ATG2B: variants seen among roughly 807,000 people sequenced by gnomAD.
The protein encoded by ATG2B is autophagy-related protein 2 homolog B.
ATG2B carries 121 observed loss-of-function variants against 241.3 expected under a neutral mutation model. That is an observed-to-expected ratio of 0.50 (90% CI 0.43 to 0.58). ATG2B has a LOEUF of 0.58. Ranked by LOEUF, ATG2B falls within the 20% of genes least tolerant of loss-of-function variation. ATG2B has a pLI of 0.00. For missense variants in ATG2B, 2,306 were observed against 2,491.6 expected (o/e 0.93, Z 1.59); for synonymous variants, 858 against 876.6 (o/e 0.98, Z 0.37).
At chr14:96,315,283 TA>T in intron 22 of ATG2B, 49 bp from the exon 23 acceptor site, 1 of 1,588,556 alleles carries the variant, frequency 6.3e-7, no homozygotes, top group Non-Finnish European at 8.6e-7. Context: ...TGTAATCCTA[TA>T]ACTCAAAAGT....
At chr14:96,346,818 C>G (rs1381036200) in intron 2 of ATG2B, among the ~76,000 whole-genome samples, 1 of 152,136 alleles carries the variant, frequency 6.6e-6, no homozygotes, top group Non-Finnish European at 1.5e-5. Flanking sequence ...CCAAGGGAAG[C>G]CCCCTGACAC....
intron 1 of ATG2B, among the ~76,000 whole-genome samples, chr14:96,358,434 A>T (rs1038004010): frequency 6.6e-6 from 1 of 152,140 alleles, no homozygotes; most frequent in African/African-American, 2.4e-5. Context: ...GTCTCTAAAG[A>T]AAGAAAAGGA....
intron 18 of ATG2B, among the ~76,000 whole-genome samples, chr14:96,319,496 A>T (rs890099126): frequency 7.9e-5 from 12 of 152,228 alleles, no homozygotes; most frequent in Non-Finnish European, 2.9e-5. Flanking sequence ...ATACTGCTAA[A>T]AACAGCCTGT....
Position 96,279,490 on chromosome 14 carries a change from C to T in ATG2B, c.*6265G>A, listed in dbSNP as rs1255199649. ...TGTGCTAGGCACCGGGTCCCTAAGT[C>T]CCTTGCCCTCCTGAAGGAAGTCAAA... On this transcript the variant is annotated 3_prime_UTR_variant, in exon 42 of 42. Transcript: ENST00000359933. 1 of 152,254 alleles carries T rather than the reference C, an allele frequency of 6.6e-6. No homozygotes were observed. The highest frequency in any genetic ancestry group is 1.5e-5 in the Non-Finnish European group (1 of 68,062). The allele number at this position is 152,254 out of a possible 1,614,324, so 9.4% of individuals were successfully genotyped here.
At chr14:96,323,084 T>C (rs1348061238) in intron 16 of ATG2B, among the ~76,000 whole-genome samples, 1 of 152,220 alleles carries the variant, frequency 6.6e-6, no homozygotes, top group Non-Finnish European at 1.5e-5. Context: ...TCTGCTATAA[T>C]AAATTACTTG....
At chr14:96,302,199 T>G (rs1022774103) in intron 33 of ATG2B, 91 bp from the exon 34 acceptor site, 142 of 754,180 alleles carry the variant, frequency 1.9e-4, no homozygotes, top group Non-Finnish European at 2.2e-4. Context: ...AAAATTCCTA[T>G]TCCTATACCA....
chr14:96,355,672 T>C lies in ATG2B; in HGVS notation c.162+7143A>G, dbSNP rs1014660592. ...CTTTTTAAATGCGGGCCATTGGTCT[T>C]TATCTTTCACAGTACCTACCTAGTA... On this transcript the variant is annotated intron_variant, in intron 1 of 41. Transcript: ENST00000359933. 5.9e-5 allele frequency among the ~76,000 whole-genome samples: 9 copies of C among 152,172 alleles called. No homozygotes were observed. The East Asian group carries it at 1.7e-3, about 29-fold the overall frequency.
At chr14:96,306,607 C>A in intron 30 of ATG2B, 107 bp downstream of exon 30, 1 of 933,100 alleles carries the variant, frequency 1.1e-6, no homozygotes. Context: ...AAAAGTAACT[C>A]TGAACTATAA....
At chr14:96,309,112 C>G (rs1035900689) in intron 29 of ATG2B, among the ~76,000 whole-genome samples, 2 of 152,194 alleles carry the variant, frequency 1.3e-5, no homozygotes, top group African/African-American at 4.8e-5. Flanking sequence ...TATCCCAATC[C>G]TTTCCAAACA....
At chr14:96,350,986 G>A (rs1462844345) in intron 1 of ATG2B, among the ~76,000 whole-genome samples, 1 of 152,014 alleles carries the variant, frequency 6.6e-6, no homozygotes, top group African/African-American at 2.4e-5. Flanking sequence ...TCTCCCTTAT[G>A]TACTGTCTAA....
In ATG2B at chr14:96,291,531, A is replaced by G. The variant is rs151085303; in HGVS notation, c.5579+69T>C. The G allele has an allele frequency of 6.7e-6, 8 of 1,194,936 alleles. No individual in the cohort carries two copies. In the African/African-American group the frequency reaches 1.1e-4, roughly 16 times the overall value. 74.0% of individuals were successfully genotyped at this position (1,194,936 alleles called of 1,614,324 possible). A position where few individuals can be genotyped will look rare whatever the true frequency, so the allele number is the denominator to read the frequency against. ...TTGTGTATGCATGCTAAGAAAACTC[A>G]GTTTTTAAATTTGTTGTACACTAAC... On this transcript the variant is annotated intron_variant, in intron 38 of 41. Coordinates refer to ENST00000359933, the MANE Select transcript of ATG2B (RefSeq NM_018036.7).
At position 96,285,300 on chromosome 14, in the gene ATG2B, A is replaced by G. The variant is rs1290774553; in HGVS notation, c.*455T>C. On this transcript the variant is annotated 3_prime_UTR_variant, in exon 42 of 42. Coordinates refer to ENST00000359933, the MANE Select transcript of ATG2B (RefSeq NM_018036.7). This position sits in a 1 kb window ranked among gnomAD's most constrained non-coding sequence, Gnocchi z 4.2. ...GAATAGGTTATTTTTCCACACTGAT[A>G]TTTATATTGAAAATCCTATTTGCTT... is the stretch of plus-strand genomic sequence containing the variant. 6.3e-6 allele frequency: 1 copy of G among 159,344 alleles called. No homozygotes were observed. Among genetic ancestry groups the G allele is most frequent in the Non-Finnish European group, 1.4e-5 (1 of 71,940 alleles). 9.9% of individuals were successfully genotyped at this position (159,344 alleles called of 1,614,324 possible).
At chr14:96,312,723 C>G (rs745464488) in intron 25 of ATG2B, among the ~76,000 whole-genome samples, 4 of 151,990 alleles carry the variant, frequency 2.6e-5, no homozygotes, top group African/African-American at 9.7e-5. Flanking sequence ...GCATTCCAGC[C>G]TGGGCCACAC....
intron 18 of ATG2B, among the ~76,000 whole-genome samples, chr14:96,319,628 T>C (rs1887408498): frequency 6.6e-6 from 1 of 151,992 alleles, no homozygotes; most frequent in African/African-American, 2.4e-5. Flanking sequence ...TAAGTAAAAC[T>C]TGAATGGGGT....
chr14:96,320,607 T>G (rs1887434197), intron 18 of ATG2B, among the ~76,000 whole-genome samples: 1 of 152,194 alleles, frequency 6.6e-6, no homozygotes, highest in Admixed American at 6.5e-5. Context: ...TGTCCTGTAT[T>G]TAGAAATGAA....
chr14:96,339,299 T>C (rs1383327729), intron 6 of ATG2B, among the ~76,000 whole-genome samples: 3 of 151,740 alleles, frequency 2.0e-5, no homozygotes, highest in Admixed American at 6.6e-5. Flanking sequence ...TGTGTGTGTG[T>C]GTGTGTATAC....
rs1217823388 is a variant in ATG2B at position 96,335,060 on chromosome 14, G to A, written c.925-559C>T. 5.3e-5 allele frequency among the ~76,000 whole-genome samples: 8 copies of A among 152,276 alleles called. No individual in the cohort carries two copies. The East Asian group carries it at 1.3e-3, about 26-fold the overall frequency. On this transcript the variant is annotated intron_variant, in intron 6 of 41. Transcript: ENST00000359933. Reference sequence around the variant, plus strand: ...TACAGAAACGTGGACAGAAGATGGTGCTTAGGTGGACTTCCTTTCTCTTTT... The same window carrying A: ...TACAGAAACGTGGACAGAAGATGGTACTTAGGTGGACTTCCTTTCTCTTTT...
intron 14 of ATG2B, among the ~76,000 whole-genome samples, chr14:96,327,793 A>T (rs1311892526): frequency 2.0e-5 from 3 of 152,076 alleles, no homozygotes; most frequent in Non-Finnish European, 4.4e-5. Context: ...AGCCTTCTTC[A>T]TGTTGTTATA....
In ATG2B at chr14:96,331,673, T is replaced by G. The variant is rs765787768; in HGVS notation, c.1469-36A>C. 5 of 1,470,800 alleles carry G rather than the reference T, an allele frequency of 3.4e-6. No homozygotes were observed. The East Asian group carries it at 1.2e-4, about 35-fold the overall frequency. 91.1% of individuals were successfully genotyped at this position (1,470,800 alleles called of 1,614,324 possible). ...AGTATTAAAATTATATACATAAAATTTGACACATAAAACTATTAAAATTAT... is the reference window on the plus strand; with the variant it reads ...AGTATTAAAATTATATACATAAAATGTGACACATAAAACTATTAAAATTAT... On this transcript the variant is annotated intron_variant, in intron 10 of 41. Coordinates refer to ENST00000359933, the MANE Select transcript of ATG2B (RefSeq NM_018036.7).
Sources: gnomAD v4.1 joint callset for allele counts (sites outside exome capture counted in the v4.1 genomes callset) on GRCh38, gnomAD v4.1.1 for gene constraint, Gnocchi (gnomAD v3.1) non-coding constraint, MANE v1.5 for transcripts, NCBI Gene and HGNC (gene_info 2026-07-23, HGNC 2026-07-21) for gene names.